MGAT4C: variants seen among roughly 807,000 people sequenced by gnomAD.
MGAT4C encodes the protein MGAT4 family member C, also known as alpha-1,3-mannosyl-glycoprotein 4-beta-N-acetylglucosaminyltransferase C.
MGAT4C carries 19 observed loss-of-function variants against 40.1 expected under a neutral mutation model. The observed-to-expected ratio is 0.47, with a 90% CI of 0.33 to 0.70. The LOEUF is 0.70. Among genes scored for constraint, MGAT4C ranks in the 30% least tolerant of loss-of-function variants. The probability of loss-of-function intolerance (pLI) is 0.02; values close to 1 mark genes in which losing one functional copy is unlikely to be tolerated. For missense variants in MGAT4C, 491 were observed against 563.2 expected (o/e 0.87, Z 1.30); for synonymous variants, 181 against 187.1 (o/e 0.97, Z 0.27).
At chr12:86,187,471 A>G (rs982070557) in intron 1 of MGAT4C, among the ~76,000 whole-genome samples, 8 of 152,050 alleles carry the variant, frequency 5.3e-5, no homozygotes, top group African/African-American at 1.9e-4. Context: ...TACCCTTTGC[A>G]TTACTTTTTT....
intron 3 of MGAT4C, among the ~76,000 whole-genome samples, chr12:86,429,298 T>C (rs1167235522): frequency 6.6e-6 from 1 of 152,192 alleles, no homozygotes; most frequent in Non-Finnish European, 1.5e-5. Context: ...TGAATTTTGT[T>C]TCAAACAATT....
intron 3 of MGAT4C, among the ~76,000 whole-genome samples, chr12:86,337,680 T>C (rs1189914184): frequency 6.6e-6 from 1 of 152,040 alleles, no homozygotes; most frequent in East Asian, 1.9e-4. Context: ...GCTAAAACTT[T>C]GTTTGAGTAA....
intron 1 of MGAT4C, among the ~76,000 whole-genome samples, chr12:86,819,862 C>A (rs34239582): frequency 1.5e-5 from 2 of 137,482 alleles, no homozygotes; most frequent in Admixed American, 1.6e-4. Context: ...TAGTTCCAAA[C>A]ATGGAGGGTA....
chr12:86,643,247 C>T (rs1406798037), intron 2 of MGAT4C, among the ~76,000 whole-genome samples: 1 of 151,762 alleles, frequency 6.6e-6, no homozygotes, highest in Non-Finnish European at 1.5e-5. Flanking sequence ...GCCGCCATGA[C>T]CTATACACCT....
rs118078820 is a variant in MGAT4C at position 86,217,334 on chromosome 12, C to G, written c.-57+38905G>C. 4.0e-4 allele frequency among the ~76,000 whole-genome samples: 61 copies of G among 152,260 alleles called. No homozygotes were observed. In the East Asian group the frequency reaches 0.011, roughly 27 times the overall value. On this transcript the variant is annotated intron_variant, in intron 1 of 4. Coordinates refer to ENST00000611864, the MANE Select transcript of MGAT4C (RefSeq NM_001351288.2). ...GGATTACAGGCACATGCCACTACTG[C>G]CCGGGTAATTTTTGTATTGTTAGTA...
rs1950874524 is a variant in MGAT4C, at chr12:86,729,395, A to AC, written c.-261-2155_-261-2154insG. On this transcript the variant is annotated intron_variant, in intron 1 of 7. Coordinates refer to the MGAT4C transcript ENST00000548651. ...TAAAAATTTTTAAAAAAAGGAAATA[A>AC]ACTTTTATAACTAATAAAGCCAAAC... Among the ~76,000 whole-genome samples the AC allele has an allele frequency of 2.0e-5, 3 of 152,056 alleles. No homozygotes were observed. In the South Asian group the frequency reaches 6.2e-4, roughly 32 times the overall value.
At chr12:86,762,551 G>A (rs1415829498) in intron 1 of MGAT4C, among the ~76,000 whole-genome samples, 7 of 151,976 alleles carry the variant, frequency 4.6e-5, no homozygotes, top group African/African-American at 1.7e-4. Context: ...GACCAACAAG[G>A]GACAATTTCT....
At chr12:86,509,200 C>T (rs554756730) in intron 2 of MGAT4C, among the ~76,000 whole-genome samples, 6 of 152,186 alleles carry the variant, frequency 3.9e-5, no homozygotes, top group South Asian at 2.1e-4. Context: ...TGAGGTCTAA[C>T]GTTTAAGTCT....
chr12:86,142,900 G>A (rs1657809995), intron 1 of MGAT4C, among the ~76,000 whole-genome samples: 1 of 152,066 alleles, frequency 6.6e-6, no homozygotes, highest in African/African-American at 2.4e-5. Flanking sequence ...TAAGTTAAAT[G>A]AGGTCAGAAA....
At chr12:86,578,663 T>C (rs958771632) in intron 2 of MGAT4C, among the ~76,000 whole-genome samples, 1 of 151,836 alleles carries the variant, frequency 6.6e-6, no homozygotes, top group African/African-American at 2.4e-5. Flanking sequence ...TTGCTGATAT[T>C]AGCCACTAAT....
At chr12:86,491,402 T>C (rs1201173438) in intron 2 of MGAT4C, among the ~76,000 whole-genome samples, 1 of 151,946 alleles carries the variant, frequency 6.6e-6, no homozygotes, top group African/African-American at 2.4e-5. Context: ...CTTAATAAAA[T>C]ACTGGCAAAC....
intron 2 of MGAT4C, among the ~76,000 whole-genome samples, chr12:86,490,748 G>A (rs565849579): frequency 1.3e-5 from 2 of 152,198 alleles, no homozygotes; most frequent in South Asian, 2.1e-4. Flanking sequence ...CAAAAAAAAG[G>A]CAGGGTTTGC....
At chr12:86,097,583 G>T (rs146328837) in intron 1 of MGAT4C, among the ~76,000 whole-genome samples, 20 of 151,672 alleles carry the variant, frequency 1.3e-4, no homozygotes, top group African/African-American at 4.6e-4. Flanking sequence ...ATTACCATAA[G>T]ACCAGAGAGT....
At chr12:86,632,749 G>T (rs1000573231) in intron 2 of MGAT4C, among the ~76,000 whole-genome samples, 5 of 148,722 alleles carry the variant, frequency 3.4e-5, no homozygotes, top group African/African-American at 1.2e-4. Flanking sequence ...ACACACTGGG[G>T]CCTGTTGTGG....
chr12:86,691,972 C>T (rs915728730), intron 2 of MGAT4C, among the ~76,000 whole-genome samples: 2 of 151,948 alleles, frequency 1.3e-5, no homozygotes, highest in Non-Finnish European at 2.9e-5. Context: ...AATATAATTA[C>T]TTTAATTAAG....
At chr12:86,714,774 AAAGGAAGGAAGGAAGGAAGG>A (rs71445060) in intron 2 of MGAT4C, among the ~76,000 whole-genome samples, 1 of 141,400 alleles carries the variant, frequency 7.1e-6, no homozygotes, top group Non-Finnish European at 1.5e-5. Flanking sequence ...TGGAAGGGAA[AAAGGAAGGAAGGAAGGAAGG>A]AAGGAAGGAA....
intron 1 of MGAT4C, among the ~76,000 whole-genome samples, chr12:86,742,362 G>A (rs1951081497): frequency 6.6e-6 from 1 of 151,480 alleles, no homozygotes; most frequent in Admixed American, 6.6e-5. Context: ...TATTAAGCAT[G>A]GCTCTTTAAC....
At chr12:86,784,240 C>A (rs1372427680) in intron 1 of MGAT4C, among the ~76,000 whole-genome samples, 2 of 151,990 alleles carry the variant, frequency 1.3e-5, no homozygotes, top group Non-Finnish European at 2.9e-5. Context: ...AGAGAAGTTT[C>A]AACAGGAGAT....
At chr12:86,614,297 G>A (rs543393739) in intron 2 of MGAT4C, among the ~76,000 whole-genome samples, 13 of 152,126 alleles carry the variant, frequency 8.5e-5, no homozygotes, top group African/African-American at 1.7e-4. Flanking sequence ...CAGAATCACC[G>A]AAGGCTGTGC....
Sources: gnomAD v4.1 joint callset for allele counts (sites outside exome capture counted in the v4.1 genomes callset) on GRCh38, gnomAD v4.1.1 for gene constraint, MANE v1.5 for transcripts, NCBI Gene and HGNC (gene_info 2026-07-23, HGNC 2026-07-21) for gene names.